CNTN4: variants seen among roughly 807,000 people sequenced by gnomAD.
CNTN4 encodes the protein contactin 4.
A neutral mutation model predicts 122.5 loss-of-function variants in CNTN4; 77 were observed. That is an observed-to-expected ratio of 0.63 (90% CI 0.52 to 0.76). CNTN4 has a LOEUF of 0.76. CNTN4 is among the 30% of genes least tolerant of loss of function. The pLI is 0.00. For synonymous variants in CNTN4, 512 were observed against 447.0 expected (o/e 1.15, Z -1.83); for missense variants, 1,256 against 1,259.1 (o/e 1.00, Z 0.04).
chr3:2,928,529 C>T (rs2094493559), intron 13 of CNTN4, among the ~76,000 whole-genome samples: 1 of 152,192 alleles, frequency 6.6e-6, no homozygotes, highest in South Asian at 2.1e-4. Flanking sequence ...GACTACACAG[C>T]TTTGAGTAAT....
chr3:2,169,288 TA>T (rs1333487480), intron 2 of CNTN4, among the ~76,000 whole-genome samples: 1 of 152,190 alleles, frequency 6.6e-6, no homozygotes, highest in Non-Finnish European at 1.5e-5. Flanking sequence ...TTAATATAAT[TA>T]TTTATAATAC....
intron 6 of CNTN4, among the ~76,000 whole-genome samples, chr3:2,785,113 G>A (rs187504641): frequency 2.2e-4 from 24 of 111,620 alleles, no homozygotes; most frequent in Admixed American, 4.9e-4. Context: ...TTGTACATGC[G>A]TACACACACA....
At chr3:3,025,970 C>A in intron 14 of CNTN4, 132 bp from the exon 15 acceptor site, 1 of 853,878 alleles carries the variant, frequency 1.2e-6, no homozygotes, top group Non-Finnish European at 1.9e-6. Flanking sequence ...CTGAGGTTTG[C>A]TGGTCACAGC....
At chr3:2,927,817 T>C (rs1276761592) in intron 13 of CNTN4, among the ~76,000 whole-genome samples, 1 of 152,188 alleles carries the variant, frequency 6.6e-6, no homozygotes, top group Non-Finnish European at 1.5e-5. Context: ...AAACTCCCCA[T>C]CATTACCTAA....
At chr3:2,805,437 A>G (rs1269907549) in intron 6 of CNTN4, among the ~76,000 whole-genome samples, 1 of 152,194 alleles carries the variant, frequency 6.6e-6, no homozygotes, top group Non-Finnish European at 1.5e-5. Context: ...CGATGGAAAG[A>G]TGACAGGCCA....
At chr3:2,171,413 A>G (rs1464822027) in intron 2 of CNTN4, among the ~76,000 whole-genome samples, 1 of 152,208 alleles carries the variant, frequency 6.6e-6, no homozygotes, top group East Asian at 1.9e-4. Context: ...GTGTAGAAAA[A>G]GAAAATAATG....
chr3:2,570,313 A>T (rs557766327), intron 3 of CNTN4, among the ~76,000 whole-genome samples: 14 of 152,008 alleles, frequency 9.2e-5, no homozygotes, highest in African/African-American at 3.4e-4. Context: ...AGCAGGGACT[A>T]TAGGCGTGCA....
chr3:2,529,234 T>A (rs1186869607), intron 3 of CNTN4, among the ~76,000 whole-genome samples: 3 of 152,168 alleles, frequency 2.0e-5, no homozygotes, highest in Admixed American at 1.3e-4. Flanking sequence ...CTTATTTGAC[T>A]TAACATAAAG....
At chr3:2,391,037 C>G (rs754513853) in intron 3 of CNTN4, among the ~76,000 whole-genome samples, 5 of 152,146 alleles carry the variant, frequency 3.3e-5, no homozygotes, top group African/African-American at 7.2e-5. Context: ...CTTGCAGATT[C>G]CAAATAGCTG....
chr3:2,747,830 C>T (rs980546366), intron 6 of CNTN4, among the ~76,000 whole-genome samples: 2 of 152,174 alleles, frequency 1.3e-5, no homozygotes, highest in Non-Finnish European at 2.9e-5. Flanking sequence ...GCACCCTGGC[C>T]CACAGCAGAC....
chr3:2,345,824 C>A (rs913919739), intron 3 of CNTN4, among the ~76,000 whole-genome samples: 1 of 152,124 alleles, frequency 6.6e-6, no homozygotes, highest in African/African-American at 2.4e-5. Context: ...GAGTGGGCAC[C>A]GAGCTTCTAT....
chr3:2,678,927 A>G (rs1996307), intron 4 of CNTN4, among the ~76,000 whole-genome samples: 58,836 of 151,834 alleles, frequency 0.39, 11,891 homozygotes, highest in South Asian at 0.57. Flanking sequence ...GGGTAAAAGT[A>G]CAGCTGTCAT....
At chr3:2,954,381 C>G (rs547913506) in intron 13 of CNTN4, among the ~76,000 whole-genome samples, 1 of 152,326 alleles carries the variant, frequency 6.6e-6, no homozygotes, top group Non-Finnish European at 1.5e-5. Context: ...TACCGATGGA[C>G]AGTATGTCTG....
chr3:2,802,995 C>T (rs1188044151), intron 6 of CNTN4, among the ~76,000 whole-genome samples: 1 of 151,880 alleles, frequency 6.6e-6, no homozygotes, highest in South Asian at 2.1e-4. Context: ...TCAAAGAATA[C>T]CAGAGAGTGA....
chr3:2,628,504 C>G (rs1032432371), intron 4 of CNTN4, among the ~76,000 whole-genome samples: 1 of 152,218 alleles, frequency 6.6e-6, no homozygotes, highest in Non-Finnish European at 1.5e-5. Flanking sequence ...CAGTGGATAT[C>G]TGATGCAGTT....
At chr3:2,672,214 G>C (rs1364313841) in intron 4 of CNTN4, among the ~76,000 whole-genome samples, 1 of 152,220 alleles carries the variant, frequency 6.6e-6, no homozygotes, top group East Asian at 1.9e-4. Context: ...CCCCAGTGGT[G>C]GAGTCTACAG....
chr3:3,005,290 A>AT (rs1268292643), intron 14 of CNTN4, among the ~76,000 whole-genome samples: 3 of 151,998 alleles, frequency 2.0e-5, no homozygotes, highest in Non-Finnish European at 1.5e-5. Context: ...ATAGGCTGAG[A>AT]TTTTTTTCAA....
At chr3:2,628,966 C>G (rs1316909429) in intron 4 of CNTN4, among the ~76,000 whole-genome samples, 2 of 152,138 alleles carry the variant, frequency 1.3e-5, no homozygotes, top group Non-Finnish European at 2.9e-5. Flanking sequence ...GAGTAAAAAT[C>G]CAACTGCTGT....
Position 2,744,411 on chromosome 3 carries a change from A to C in CNTN4, c.183-1111A>C, listed in dbSNP as rs539910027. On this transcript the variant is annotated intron_variant, in intron 5 of 24. Coordinates refer to ENST00000418658, the MANE Select transcript of CNTN4 (RefSeq NM_175607.3). ...AAATATTTAAATGGTGATTTTTACT[A>C]TTTAAAGGAGATAAGGTTAATGGCT... Among the ~76,000 whole-genome samples, 16 of 152,360 alleles carry C rather than the reference A, an allele frequency of 1.1e-4. No homozygotes were observed. The South Asian group carries it at 3.3e-3, about 32-fold the overall frequency.
Sources: gnomAD v4.1 joint callset for allele counts (sites outside exome capture counted in the v4.1 genomes callset) on GRCh38, gnomAD v4.1.1 for gene constraint, MANE v1.5 for transcripts, NCBI Gene and HGNC (gene_info 2026-07-23, HGNC 2026-07-21) for gene names.